Variants in DYTN observed in about 807,000 individuals in gnomAD.
DYTN encodes dystrotelin.
A neutral mutation model predicts 69.6 loss-of-function variants in DYTN; 75 were observed. That is an observed-to-expected ratio of 1.08 (90% CI 0.89 to 1.31). The LOEUF is 1.31. DYTN is among the 50% of genes most tolerant of loss of function. The pLI, the probability that DYTN is intolerant of heterozygous loss-of-function variation, is 0.00. For synonymous variants in DYTN, 252 were observed against 249.1 expected (o/e 1.01, Z -0.11); for missense variants, 726 against 688.4 (o/e 1.05, Z -0.61).
intron 10 of DYTN, among the ~76,000 whole-genome samples, chr2:206,663,630 A>G (rs1425884092): frequency 6.6e-6 from 1 of 152,248 alleles, no homozygotes; most frequent in Non-Finnish European, 1.5e-5. Context: ...GAATAATTAC[A>G]AGAAATTTAG....
At chr2:206,652,621 C>T (rs1251346151) in intron 11 of DYTN, among the ~76,000 whole-genome samples, 1 of 152,082 alleles carries the variant, frequency 6.6e-6, no homozygotes, top group Non-Finnish European at 1.5e-5. Context: ...TAATTATATA[C>T]CAATAAATAA....
At chr2:206,691,639 A>G (rs1217356546) in intron 9 of DYTN, among the ~76,000 whole-genome samples, 1 of 152,226 alleles carries the variant, frequency 6.6e-6, no homozygotes, top group Non-Finnish European at 1.5e-5. Context: ...GATATACATC[A>G]AGATGATATC....
chr2:206,698,810 C>A (rs1699946562), intron 7 of DYTN, among the ~76,000 whole-genome samples: 2 of 152,208 alleles, frequency 1.3e-5, no homozygotes, highest in Admixed American at 1.3e-4. Flanking sequence ...GAAGATCAAG[C>A]CTGAGTTGTT....
At chr2:206,693,529 C>G (rs1224906341) in intron 8 of DYTN, among the ~76,000 whole-genome samples, 1 of 152,138 alleles carries the variant, frequency 6.6e-6, no homozygotes, top group Non-Finnish European at 1.5e-5. Context: ...ACACCCCAAA[C>G]CCCCTCAATA....
chr2:206,658,248 A>G (rs915396637), intron 11 of DYTN, among the ~76,000 whole-genome samples: 14 of 151,924 alleles, frequency 9.2e-5, no homozygotes, highest in African/African-American at 3.4e-4. Flanking sequence ...TCGTTCATGT[A>G]TTGTTCTCCT....
intron 5 of DYTN, 110 bp downstream of exon 5, chr2:206,704,733 T>C (rs1700008174): frequency 1.1e-6 from 1 of 891,952 alleles, no homozygotes; most frequent in South Asian, 1.7e-5. Context: ...AGAGCTTGCA[T>C]GGAGTTATAT....
chr2:206,699,977 G>A, intron 6 of DYTN, 87 bp from the exon 7 acceptor site: 1 of 1,549,736 alleles, frequency 6.5e-7, no homozygotes, highest in South Asian at 1.2e-5. Context: ...TGTCAGTTCT[G>A]CTGAAGAAGT....
Position 206,705,815 on chromosome 2 carries a change from C to A in DYTN, c.355G>T (p.Gly119Ter). ...PAAAALITLSGDSPLSKYRAL... is the reference protein window; with the variant it reads ...PAAAALITLS ...CGGTATTTTGAAAGAGGGCTGTCTCCTGAGAGGGTTATTAGGGCAGCGGCC... is the reference window on the plus strand; with the variant it reads ...CGGTATTTTGAAAGAGGGCTGTCTCATGAGAGGGTTATTAGGGCAGCGGCC... Residue 119 changes from glycine to a stop codon, truncating the protein, a stop_gained, in exon 4 of 12, where the codon GGA becomes TGA. Coordinates refer to ENST00000452335, the MANE Select transcript of DYTN (RefSeq NM_001093730.1). LOFTEE classifies it high-confidence loss of function. 1 of 1,613,868 alleles carries A rather than the reference C, an allele frequency of 6.2e-7. No homozygotes were observed. Among genetic ancestry groups the A allele is most frequent in the Non-Finnish European group, 8.5e-7 (1 of 1,179,864 alleles).
chr2:206,679,020 T>C (rs1043676698), intron 9 of DYTN: 1 of 152,202 alleles, frequency 6.6e-6, no homozygotes, highest in African/African-American at 2.4e-5. Context: ...ACTCACCTGG[T>C]AACATGAGTT....
chr2:206,655,960 A>C (rs759392789), intron 11 of DYTN, among the ~76,000 whole-genome samples: 5 of 152,214 alleles, frequency 3.3e-5, no homozygotes, highest in Non-Finnish European at 7.3e-5. Context: ...TATATTCTGC[A>C]CTATTGGGTG....
chr2:206,683,737 C>G lies in DYTN; in HGVS notation c.980+9438G>C, dbSNP rs1699777177. On this transcript the variant is annotated intron_variant, in intron 9 of 11. Transcript: ENST00000452335. Reference sequence around the variant, plus strand: ...AATCCATTAAAATTAATGGCAAAAACCGCAATTACTTTTGCACCAACCTAA... The same window carrying G: ...AATCCATTAAAATTAATGGCAAAAAGCGCAATTACTTTTGCACCAACCTAA... 2.6e-5 allele frequency among the ~76,000 whole-genome samples: 4 copies of G among 152,056 alleles called. No individual in the cohort carries two copies. In the South Asian group the frequency reaches 8.3e-4, roughly 32 times the overall value.
intron 9 of DYTN, among the ~76,000 whole-genome samples, chr2:206,676,713 C>T (rs894361497): frequency 1.3e-5 from 2 of 152,022 alleles, no homozygotes; most frequent in African/African-American, 2.4e-5. Context: ...AACAGCAGTG[C>T]CTATAGTTAA....
chr2:206,705,652 A>T, intron 4 of DYTN, 136 bp downstream of exon 4: 1 of 691,822 alleles, frequency 1.4e-6, no homozygotes, highest in Non-Finnish European at 2.3e-6. Context: ...CTCAAATAGT[A>T]AATATTTTTA....
At chr2:206,653,839 C>A (rs1364136865) in intron 11 of DYTN, among the ~76,000 whole-genome samples, 1 of 152,188 alleles carries the variant, frequency 6.6e-6, no homozygotes, top group African/African-American at 2.4e-5. Context: ...GTTTTCCCAG[C>A]TTTCCCCATT....
chr2:206,654,305 G>A (rs1036743033), intron 11 of DYTN, among the ~76,000 whole-genome samples: 2 of 152,152 alleles, frequency 1.3e-5, no homozygotes, highest in Admixed American at 1.3e-4. Context: ...GAAAGCAAGA[G>A]CAACCCCTCC....
chr2:206,651,926 A>C lies in DYTN; in HGVS notation c.1634-5T>G. Reference sequence around the variant, plus strand: ...TGTTTACTGAAGACTCCGGGCCTGAAATCAACAAACAAGAGAGTCATTTAG... The same window carrying C: ...TGTTTACTGAAGACTCCGGGCCTGACATCAACAAACAAGAGAGTCATTTAG... On this transcript the variant is annotated splice_region_variant and splice_polypyrimidine_tract_variant and intron_variant, in intron 11 of 11. Coordinates refer to ENST00000452335, the MANE Select transcript of DYTN (RefSeq NM_001093730.1). 6.2e-7 allele frequency: 1 copy of C among 1,609,710 alleles called. No individual in the cohort carries two copies. The highest frequency in any genetic ancestry group is 8.5e-7 in the Non-Finnish European group (1 of 1,177,552).
intron 9 of DYTN, among the ~76,000 whole-genome samples, chr2:206,689,648 G>C (rs1180351005): frequency 6.6e-6 from 1 of 152,142 alleles, no homozygotes; most frequent in South Asian, 2.1e-4. Flanking sequence ...CCAATTAACA[G>C]GTAAAGAAAC....
chr2:206,696,057 T>A (rs1044643665), intron 7 of DYTN, among the ~76,000 whole-genome samples: 5 of 152,156 alleles, frequency 3.3e-5, no homozygotes, highest in Non-Finnish European at 5.9e-5. Flanking sequence ...GATGTGTGAT[T>A]AAGTGCCAAG....
intron 9 of DYTN, among the ~76,000 whole-genome samples, chr2:206,682,824 T>TC (rs1338755886): frequency 1.3e-5 from 2 of 152,146 alleles, no homozygotes; most frequent in Non-Finnish European, 2.9e-5. Flanking sequence ...AGCCTCCCCA[T>TC]CTCGGTTGAT....
Sources: gnomAD v4.1 joint callset for allele counts (sites outside exome capture counted in the v4.1 genomes callset) on GRCh38, gnomAD v4.1.1 for gene constraint, MANE v1.5 for transcripts, NCBI Gene and HGNC (gene_info 2026-07-23, HGNC 2026-07-21) for gene names.